Variants in ATXN3 observed in about 807,000 individuals in gnomAD.
ATXN3 encodes ataxin 3.
ATXN3 carries 28 observed loss-of-function variants against 58.2 expected under a neutral mutation model. The observed-to-expected ratio is 0.48, with a 90% confidence interval of 0.36 to 0.66. The LOEUF is 0.66. Ranked by LOEUF, ATXN3 falls within the 30% of genes least tolerant of loss-of-function variation. The pLI is 0.00. For synonymous variants in ATXN3, 113 were observed against 138.5 expected, an observed-to-expected ratio of 0.82 and a Z score of 1.29; for missense variants, 321 against 422.1, an observed-to-expected ratio of 0.76 and a Z score of 2.10.
chr14:92,081,292 CA>C (rs1355719289), intron 8 of ATXN3, among the ~76,000 whole-genome samples: 1 of 151,484 alleles, frequency 6.6e-6, no homozygotes, highest in Non-Finnish European at 1.5e-5. Context: ...GCCAAAAGGG[CA>C]AAACCCTATC....
At chr14:92,049,080 G>C (rs1375550984) in intron 1 of ATXN3, among the ~76,000 whole-genome samples, 2 of 152,188 alleles carry the variant, frequency 1.3e-5, no homozygotes, top group Non-Finnish European at 2.9e-5. Context: ...CTACTGTTGA[G>C]TTTGTATTGG....
At chr14:92,104,179 T>A (rs1346739141) in intron 1 of ATXN3, among the ~76,000 whole-genome samples, 2 of 152,314 alleles carry the variant, frequency 1.3e-5, no homozygotes, top group African/African-American at 4.8e-5. Flanking sequence ...CTCGCTCTGT[T>A]GCCCAGGCTG....
At chr14:92,072,183 A>T in intron 9 of ATXN3, among the ~76,000 whole-genome samples, 1 of 152,250 alleles carries the variant, frequency 6.6e-6, no homozygotes, top group Non-Finnish European at 1.5e-5. Flanking sequence ...TTTAAACATG[A>T]CGGTTATCAT....
In ATXN3 at chr14:92,063,457, T is replaced by G. The variant is rs2057921461; in HGVS notation, c.*863A>C. 6.6e-6 allele frequency: 1 copy of G among 152,188 alleles called. No homozygotes were observed. Among genetic ancestry groups the G allele is most frequent in the South Asian group, 2.1e-4 (1 of 4,830 alleles). 9.4% of individuals were successfully genotyped at this position (152,188 alleles called of 1,614,324 possible). On this transcript the variant is annotated 3_prime_UTR_variant, in exon 11 of 11. Coordinates refer to ENST00000644486, the MANE Select transcript of ATXN3 (RefSeq NM_004993.6). ...TGCCTGCATACTATGCTTCTCCTAG[T>G]TTTCTCAATTGGAGAAGAAAGGAAA...
intron 10 of ATXN3, among the ~76,000 whole-genome samples, chr14:92,065,017 C>T (rs973448230): frequency 1.3e-5 from 2 of 152,322 alleles, no homozygotes; most frequent in Admixed American, 6.5e-5. Context: ...TTTTATCACA[C>T]GTGTATTCAT....
chr14:92,049,056 C>G (rs540556273), intron 1 of ATXN3, among the ~76,000 whole-genome samples: 1 of 152,316 alleles, frequency 6.6e-6, no homozygotes, highest in South Asian at 2.1e-4. Flanking sequence ...GTGCTATTCT[C>G]TGGCCACTTG....
upstream of ATXN3, among the ~76,000 whole-genome samples, chr14:92,053,504 TTTAA>T (rs2057455387): frequency 6.6e-6 from 1 of 150,872 alleles, no homozygotes; most frequent in Non-Finnish European, 1.5e-5. Flanking sequence ...TTTTTTTTTT[TTTAA>T]TTATTTGAGA....
At chr14:92,053,864 C>T (rs535031717), downstream of ATXN3, among the ~76,000 whole-genome samples, 1 of 152,230 alleles carries the variant, frequency 6.6e-6, no homozygotes, top group East Asian at 1.9e-4. Flanking sequence ...GATCTATGAG[C>T]TGACCCTAGC....
downstream of ATXN3, among the ~76,000 whole-genome samples, chr14:92,053,632 G>GACC (rs2057455813): frequency 5.9e-5 from 9 of 151,836 alleles, no homozygotes; most frequent in South Asian, 1.9e-3. Context: ...GAATAGCTGG[G>GACC]ACCACAGGTG....
chr14:92,105,815 A>G (rs1407596656), intron 1 of ATXN3, among the ~76,000 whole-genome samples: 1 of 152,198 alleles, frequency 6.6e-6, no homozygotes, highest in African/African-American at 2.4e-5. Flanking sequence ...GTCCACTCCT[A>G]ATACCTAAAA....
intron 5 of ATXN3, among the ~76,000 whole-genome samples, chr14:92,091,407 C>T (rs777206722): frequency 6.6e-6 from 1 of 151,426 alleles, no homozygotes; most frequent in African/African-American, 2.4e-5. Context: ...GCCAAGATCC[C>T]GCCACTGCAA....
In ATXN3 at chr14:92,059,039, T is replaced by C. The variant is rs2057562251; in HGVS notation, c.*5281A>G. The C allele has an allele frequency of 6.6e-6, 1 of 152,118 alleles. No individual in the cohort carries two copies. Among genetic ancestry groups the C allele is most frequent in the Non-Finnish European group, 1.5e-5 (1 of 68,024 alleles). 9.4% of individuals were successfully genotyped at this position (152,118 alleles called of 1,614,324 possible). On this transcript the variant is annotated 3_prime_UTR_variant, in exon 11 of 11. Transcript: ENST00000644486. The stretch of plus-strand genomic sequence containing the variant: ...TTCCTAAATGCATCAGGAATATCCA[T>C]TTATATTTTACTAATGTTTCTCATT...
chr14:92,094,906 G>A (rs894505777), intron 3 of ATXN3, among the ~76,000 whole-genome samples: 1 of 152,186 alleles, frequency 6.6e-6, no homozygotes, highest in African/African-American at 2.4e-5. Context: ...GGTGGATGAG[G>A]AAGAGTCCAG....
At chr14:92,102,010 G>A (rs999850475) in intron 1 of ATXN3, among the ~76,000 whole-genome samples, 6 of 151,802 alleles carry the variant, frequency 4.0e-5, no homozygotes. Context: ...AAAATTAGCT[G>A]GGCATGGTGG....
At chr14:92,080,116 G>A (rs1370328274) in intron 9 of ATXN3, among the ~76,000 whole-genome samples, 1 of 152,054 alleles carries the variant, frequency 6.6e-6, no homozygotes, top group Non-Finnish European at 1.5e-5. Context: ...ATTTTCATAT[G>A]GTGGAATTCC....
At chr14:92,084,638 G>A (rs532080357) in intron 6 of ATXN3, among the ~76,000 whole-genome samples, 1 of 150,948 alleles carries the variant, frequency 6.6e-6, no homozygotes, top group East Asian at 2.0e-4. Context: ...GTGCAGTGGT[G>A]CAATATTAGC....
At chr14:92,045,983 C>T (rs780538978) in intron 2 of ATXN3, among the ~76,000 whole-genome samples, 1 of 152,214 alleles carries the variant, frequency 6.6e-6, no homozygotes. Flanking sequence ...CAGTGAATGA[C>T]TCCAGCTTCC....
At chr14:92,053,846 C>A (rs932827700), downstream of ATXN3, among the ~76,000 whole-genome samples, 3 of 152,020 alleles carry the variant, frequency 2.0e-5, no homozygotes, top group Non-Finnish European at 4.4e-5. Context: ...ACCAACACAG[C>A]CATATTAGAT....
intron 5 of ATXN3, chr14:92,090,706 T>C (rs2063589710): frequency 6.6e-6 from 1 of 152,192 alleles, no homozygotes; most frequent in Admixed American, 6.6e-5. Flanking sequence ...AAAATGCAAT[T>C]TTGAAGAACT....
Sources: allele counts gnomAD v4.1 joint callset (sites outside exome capture counted in the v4.1 genomes callset), GRCh38; gene constraint gnomAD v4.1.1; transcripts MANE v1.5; gene names NCBI Gene and HGNC (gene_info 2026-07-23, HGNC 2026-07-21).